The following PCDHGA4 variants were observed in gnomAD, a reference collection of about 807,000 sequenced individuals.
PCDHGA4 encodes protocadherin gamma subfamily A, 4.
PCDHGA4 carries 38 observed loss-of-function variants against 54.6 expected under a neutral mutation model. The observed-to-expected ratio is 0.70, with a 90% CI of 0.54 to 0.91. The LOEUF is 0.91. PCDHGA4 is among the 40% of genes least tolerant of loss of function. The pLI is 0.00. For missense variants in PCDHGA4, 1,298 were observed against 1,220.9 expected (o/e 1.06, Z -0.94); for synonymous variants, 511 against 512.9 (o/e 1.00, Z 0.05).
At chr5:141,437,188 G>T (rs1303844523) in intron 1 of PCDHGA4, among the ~76,000 whole-genome samples, 1 of 152,146 alleles carries the variant, frequency 6.6e-6, no homozygotes, top group Non-Finnish European at 1.5e-5. Context: ...CTGGGCAATG[G>T]GTTTGGATGT....
rs774858191 is a variant in PCDHGA4 at position 141,413,689 on chromosome 5, C to T, written c.2514+56068C>T. On this transcript the variant is annotated intron_variant, in intron 1 of 3. Transcript: ENST00000571252. Reference sequence around the variant, plus strand: ...TCCGGATGTGGGCGTGAACTCCCTGCAGAGCTATCAGCTCAGCCCCAATAA... The same window carrying T: ...TCCGGATGTGGGCGTGAACTCCCTGTAGAGCTATCAGCTCAGCCCCAATAA... 6 of 1,613,800 alleles carry T rather than the reference C, an allele frequency of 3.7e-6. No individual in the cohort carries two copies. The Admixed American group carries it at 5.0e-5, about 13-fold the overall frequency.
intron 1 of PCDHGA4, chr5:141,439,845 T>C (rs983341549): frequency 6.6e-6 from 1 of 152,252 alleles, no homozygotes; most frequent in Non-Finnish European, 1.5e-5. Flanking sequence ...ACTCTAACTG[T>C]GGAAAAGGTG....
At chr5:141,376,281 C>G in intron 1 of PCDHGA4, 2 of 1,614,216 alleles carry the variant, frequency 1.2e-6, no homozygotes, top group Admixed American at 1.7e-5. Flanking sequence ...GGTGGCTTAG[C>G]GAGCATGCCC....
intron 1 of PCDHGA4, among the ~76,000 whole-genome samples, chr5:141,406,577 A>T (rs558329088): frequency 6.6e-6 from 1 of 152,274 alleles, no homozygotes; most frequent in South Asian, 2.1e-4. Context: ...TAGTAAACCA[A>T]TTTTTTCCCT....
At chr5:141,430,853 C>G (rs769009864) in intron 1 of PCDHGA4, 2 of 1,587,214 alleles carry the variant, frequency 1.3e-6, no homozygotes, top group Non-Finnish European at 1.7e-6. Flanking sequence ...CACCCAGATA[C>G]GCTATTCAGT....
chr5:141,462,852 T>C (rs1334709435), intron 1 of PCDHGA4, among the ~76,000 whole-genome samples: 1 of 152,202 alleles, frequency 6.6e-6, no homozygotes. Flanking sequence ...TTTTGAGTGT[T>C]TGGATTTTGT....
intron 1 of PCDHGA4, chr5:141,433,315 TCCGGTGTAACAGGGACTA>T: frequency 1.2e-6 from 1 of 856,086 alleles, no homozygotes; most frequent in Non-Finnish European, 1.8e-6. Flanking sequence ...CACCTTTGCC[TCCGGTGTAACAGGGACTA>T]CAGGTGCAAG....
chr5:141,356,521 C>T lies in PCDHGA4; in HGVS notation c.1414C>T (p.Gln472Ter). 1.2e-6 allele frequency: 2 copies of T among 1,613,646 alleles called. No individual in the cohort carries two copies. Among genetic ancestry groups the T allele is most frequent in the Non-Finnish European group, 1.7e-6 (2 of 1,179,558 alleles). ...PLSTETHISL[Q>*]VMDINDNPPT... is the part of the protein sequence containing the mutation. ...GTCTACAGAAACTCATATTTCACTG[C>T]AAGTGATGGACATCAATGACAACCC... Residue 472 changes from glutamine to a stop codon, truncating the protein, a stop_gained, in exon 1 of 4, where the codon CAA becomes TAA. Coordinates refer to ENST00000571252, the MANE Select transcript of PCDHGA4 (RefSeq NM_018917.4). LOFTEE classifies it high-confidence loss of function.
chr5:141,398,051 C>G, intron 1 of PCDHGA4: 3 of 1,512,220 alleles, frequency 2.0e-6, no homozygotes, highest in Non-Finnish European at 2.7e-6. Context: ...GTTCGGAGAT[C>G]CAAAAATCTA....
chr5:141,394,395 C>G (rs1238779909), intron 1 of PCDHGA4: 2 of 1,614,146 alleles, frequency 1.2e-6, no homozygotes, highest in Non-Finnish European at 1.7e-6. Context: ...GATCCGAGAC[C>G]TGCAGCTACT....
At chr5:141,464,430 T>C (rs1213919443) in intron 1 of PCDHGA4, among the ~76,000 whole-genome samples, 1 of 151,680 alleles carries the variant, frequency 6.6e-6, no homozygotes, top group Non-Finnish European at 1.5e-5. Flanking sequence ...TATATAGATA[T>C]ATATGTTTGT....
intron 1 of PCDHGA4, chr5:141,394,936 T>G: frequency 1.2e-6 from 2 of 1,613,836 alleles, no homozygotes; most frequent in Non-Finnish European, 8.5e-7. Flanking sequence ...CTCGCCTTTG[T>G]CGCTGTGCTT....
At chr5:141,371,900 G>T in intron 1 of PCDHGA4, 4 of 1,613,378 alleles carry the variant, frequency 2.5e-6, no homozygotes, top group Middle Eastern at 1.6e-4. Flanking sequence ...GGGAGCTGTC[G>T]TCCTACGTGT....
chr5:141,404,180 C>A (rs774534952), intron 1 of PCDHGA4: 10 of 1,613,196 alleles, frequency 6.2e-6, no homozygotes, highest in Non-Finnish European at 8.5e-6. Flanking sequence ...GGCCCAAATT[C>A]TTGACCGAGA....
At chr5:141,500,215 T>G (rs888740312) in intron 2 of PCDHGA4, among the ~76,000 whole-genome samples, 8 of 150,660 alleles carry the variant, frequency 5.3e-5, no homozygotes, top group African/African-American at 1.9e-4. Context: ...TTTATTTATT[T>G]ATTTATTTAT....
intron 1 of PCDHGA4, chr5:141,423,692 G>T: frequency 7.1e-7 from 1 of 1,405,756 alleles, no homozygotes; most frequent in Non-Finnish European, 9.4e-7. Context: ...CCTAATTGTT[G>T]GTGTCTTGGC....
chr5:141,423,895 G>T, intron 1 of PCDHGA4: 1 of 1,277,758 alleles, frequency 7.8e-7, no homozygotes, highest in Non-Finnish European at 9.9e-7. Flanking sequence ...ATTTTCTTTT[G>T]ATTTCAAAGG....
intron 1 of PCDHGA4, among the ~76,000 whole-genome samples, chr5:141,459,176 T>C (rs2098962762): frequency 6.6e-6 from 1 of 152,210 alleles, no homozygotes. Context: ...CTTCAAAAGT[T>C]CCCTCATGCC....
chr5:141,363,215 A>G (rs1203436108), intron 1 of PCDHGA4, among the ~76,000 whole-genome samples: 1 of 152,272 alleles, frequency 6.6e-6, no homozygotes, highest in Non-Finnish European at 1.5e-5. Context: ...ATTGAGAAAA[A>G]TCTTACAACC....
Sources: gnomAD v4.1 joint callset for allele counts (sites outside exome capture counted in the v4.1 genomes callset) on GRCh38, gnomAD v4.1.1 for gene constraint, MANE v1.5 for transcripts, NCBI Gene and HGNC (gene_info 2026-07-23, HGNC 2026-07-21) for gene names.